Variants in TMEM108 observed in about 807,000 individuals in gnomAD.
The protein encoded by TMEM108 is cancer/testis antigen 124.
Under a neutral mutation model 35.1 loss-of-function variants are expected in TMEM108, and 12 were observed. That is an observed-to-expected ratio of 0.34 (90% CI 0.22 to 0.55). TMEM108 has a LOEUF of 0.55. TMEM108 is among the 20% of genes least tolerant of loss of function. The pLI is 0.89. For missense variants in TMEM108, 680 were observed against 753.3 expected (o/e 0.90, Z 1.14); for synonymous variants, 287 against 308.6 (o/e 0.93, Z 0.73).
intron 2 of TMEM108, among the ~76,000 whole-genome samples, chr3:133,185,347 AC>A: frequency 6.6e-6 from 1 of 152,138 alleles, no homozygotes; most frequent in Non-Finnish European, 1.5e-5. Context: ...CATTGAATGG[AC>A]ATGTGGATGC....
chr3:133,099,877 GTCT>G lies in TMEM108; in HGVS notation c.-47+53864_-47+53866del, dbSNP rs543931353. 6.6e-5 allele frequency among the ~76,000 whole-genome samples: 10 copies of G among 152,228 alleles called. No homozygotes were observed. The South Asian group carries it at 1.9e-3, about 28-fold the overall frequency. On this transcript the variant is annotated intron_variant, in intron 2 of 5. Transcript: ENST00000321871. Reference sequence around the variant, plus strand: ...GCTCCAAACTTTCTCACATTTTTCTGTCTTCTTCTGAGCCCTCCAAAGTGTTCC... The same window carrying G: ...GCTCCAAACTTTCTCACATTTTTCTGTCTTCTGAGCCCTCCAAAGTGTTCC...
At chr3:133,067,683 A>G (rs964386872) in intron 2 of TMEM108, among the ~76,000 whole-genome samples, 3 of 152,194 alleles carry the variant, frequency 2.0e-5, no homozygotes, top group Non-Finnish European at 4.4e-5. Context: ...ACTTTTGTCT[A>G]GCTAAGGTGG....
chr3:133,197,168 G>A (rs1033633036), intron 2 of TMEM108, among the ~76,000 whole-genome samples: 1 of 152,166 alleles, frequency 6.6e-6, no homozygotes, highest in Non-Finnish European at 1.5e-5. Flanking sequence ...ATTAGTCATA[G>A]TTTGTTCAGG....
intron 2 of TMEM108, among the ~76,000 whole-genome samples, chr3:133,146,901 G>T (rs1944729378): frequency 6.6e-6 from 1 of 151,328 alleles, no homozygotes; most frequent in South Asian, 2.1e-4. Flanking sequence ...TTAATCTTTT[G>T]AAAAAACCAG....
chr3:133,120,922 A>G (rs1225302352), intron 2 of TMEM108: 1 of 152,218 alleles, frequency 6.6e-6, no homozygotes, highest in Admixed American at 6.5e-5. Context: ...GTGTAACACA[A>G]TTTCAAAAAG....
At chr3:133,383,056 T>G (rs180761425) in intron 4 of TMEM108, among the ~76,000 whole-genome samples, 3 of 152,372 alleles carry the variant, frequency 2.0e-5, no homozygotes, top group Admixed American at 2.0e-4. Context: ...TGCCCACTTC[T>G]AAAACAGAAG....
chr3:133,062,903 T>C (rs1943552127), intron 2 of TMEM108, among the ~76,000 whole-genome samples: 1 of 152,152 alleles, frequency 6.6e-6, no homozygotes, highest in African/African-American at 2.4e-5. Flanking sequence ...AGTGAGCAGG[T>C]CCACACTAGA....
intron 5 of TMEM108, among the ~76,000 whole-genome samples, chr3:133,393,881 C>T (rs529159100): frequency 3.7e-4 from 57 of 152,304 alleles, no homozygotes; most frequent in African/African-American, 1.3e-3. Context: ...CGAGGGCTGC[C>T]GTCCAACACA....
chr3:133,108,602 G>A (rs1282611172), intron 2 of TMEM108, among the ~76,000 whole-genome samples: 1 of 152,042 alleles, frequency 6.6e-6, no homozygotes, highest in East Asian at 1.9e-4. Context: ...TTCTTTTGCT[G>A]TGCAGAAGCT....
intron 2 of TMEM108, among the ~76,000 whole-genome samples, chr3:133,226,594 G>A (rs1157709037): frequency 6.6e-6 from 1 of 152,064 alleles, no homozygotes; most frequent in Admixed American, 6.6e-5. Flanking sequence ...AGTATAATAA[G>A]GCATGTCTGG....
At chr3:133,367,094 C>T (rs895964787) in intron 3 of TMEM108, among the ~76,000 whole-genome samples, 6 of 152,226 alleles carry the variant, frequency 3.9e-5, no homozygotes, top group Admixed American at 2.0e-4. Flanking sequence ...CCCTGTACAG[C>T]CTGCATTCCA....
At chr3:133,364,825 G>A (rs1468271628) in intron 3 of TMEM108, among the ~76,000 whole-genome samples, 1 of 152,198 alleles carries the variant, frequency 6.6e-6, no homozygotes, top group African/African-American at 2.4e-5. Flanking sequence ...GCATACAGGA[G>A]GTTTTCCAGA....
At chr3:133,205,712 T>C (rs1945742634) in intron 2 of TMEM108, among the ~76,000 whole-genome samples, 1 of 152,196 alleles carries the variant, frequency 6.6e-6, no homozygotes, top group African/African-American at 2.4e-5. Context: ...CCGACCTTTC[T>C]TTCTGGCTGC....
At chr3:133,058,136 A>T (rs1381925156) in intron 2 of TMEM108, among the ~76,000 whole-genome samples, 4 of 152,226 alleles carry the variant, frequency 2.6e-5, no homozygotes, top group Non-Finnish European at 5.9e-5. Context: ...CAGGAAAAAA[A>T]AGTAAATGAG....
At chr3:133,126,169 A>T (rs79090006) in intron 2 of TMEM108, among the ~76,000 whole-genome samples, 2,277 of 152,130 alleles carry the variant, frequency 0.015, 52 homozygotes, top group African/African-American at 0.052. Flanking sequence ...TCTTTTTTTT[A>T]AAAAAGTGAT....
intron 2 of TMEM108, among the ~76,000 whole-genome samples, chr3:133,115,907 T>A (rs543343895): frequency 1.5e-4 from 23 of 152,352 alleles, no homozygotes; most frequent in African/African-American, 5.5e-4. Context: ...TCTGTTCTCA[T>A]GTGTGAGTTT....
At chr3:133,277,991 C>G (rs918645436) in intron 3 of TMEM108, among the ~76,000 whole-genome samples, 2 of 152,298 alleles carry the variant, frequency 1.3e-5, no homozygotes, top group East Asian at 3.9e-4. Flanking sequence ...TATTTCCAAG[C>G]ATGATTCATT....
At position 133,396,025 on chromosome 3, in the gene TMEM108, C is replaced by T; in HGVS notation, c.*39C>T. 3.4e-6 allele frequency: 5 copies of T among 1,466,616 alleles called. No homozygotes were observed. Among genetic ancestry groups the T allele is most frequent in the Non-Finnish European group, 4.5e-6 (5 of 1,104,354 alleles). The allele number at this position is 1,466,616 out of a possible 1,614,324, so 90.9% of individuals were successfully genotyped here. Reference sequence around the variant, plus strand: ...CACTTTGCCATTCCGTATTTTTCGTCTCTAAATTATAAATATACAAATACA... The same window carrying T: ...CACTTTGCCATTCCGTATTTTTCGTTTCTAAATTATAAATATACAAATACA... On this transcript the variant is annotated 3_prime_UTR_variant, in exon 6 of 6. Coordinates refer to ENST00000321871, the MANE Select transcript of TMEM108 (RefSeq NM_023943.4).
At chr3:133,229,494 A>T in intron 3 of TMEM108, 143 bp downstream of exon 3, 2 of 639,730 alleles carry the variant, frequency 3.1e-6, no homozygotes, top group Non-Finnish European at 5.2e-6. Flanking sequence ...CATCTAGATG[A>T]AGTATCAAGC....
Sources: gnomAD v4.1 joint callset for allele counts (sites outside exome capture counted in the v4.1 genomes callset) on GRCh38, gnomAD v4.1.1 for gene constraint, MANE v1.5 for transcripts, NCBI Gene and HGNC (gene_info 2026-07-23, HGNC 2026-07-21) for gene names.